The following ARFGEF3 variants were observed in gnomAD, a reference collection of about 807,000 sequenced individuals.
The protein encoded by ARFGEF3 is ARFGEF family member 3, also known as brefeldin A-inhibited guanine nucleotide-exchange protein 3.
Under a neutral mutation model 221.7 loss-of-function variants are expected in ARFGEF3, and 96 were observed. The ratio of observed to expected loss-of-function variants is 0.43; its 90% CI spans 0.37 to 0.51. The LOEUF is 0.51. Ranked by LOEUF, ARFGEF3 falls within the 20% of genes least tolerant of loss-of-function variation. The pLI is 0.00. For synonymous variants in ARFGEF3, 1,145 were observed against 1,126.8 expected (o/e 1.02, Z -0.32); for missense variants, 2,410 against 2,789.9 (o/e 0.86, Z 3.07).
At chr6:138,197,553 CAT>C (rs1240521766) in intron 2 of ARFGEF3, among the ~76,000 whole-genome samples, 5 of 152,290 alleles carry the variant, frequency 3.3e-5, no homozygotes, top group East Asian at 1.9e-4. Context: ...TCACCACAAA[CAT>C]GTGAGTATAG....
chr6:138,250,251 C>T (rs1250187481), intron 8 of ARFGEF3, among the ~76,000 whole-genome samples: 1 of 152,144 alleles, frequency 6.6e-6, no homozygotes, highest in Admixed American at 6.6e-5. Context: ...CAGAACACTC[C>T]CTCGCATGCC....
chr6:138,321,257 G>C (rs1780021987), intron 29 of ARFGEF3, 32 bp downstream of exon 29: 1 of 1,173,926 alleles, frequency 8.5e-7, no homozygotes, highest in African/African-American at 1.6e-5. Flanking sequence ...TCTCCACAAA[G>C]CTGGAGTTTT....
chr6:138,314,087 C>A, intron 26 of ARFGEF3, 148 bp downstream of exon 26: 2 of 884,868 alleles, frequency 2.3e-6, no homozygotes, highest in Non-Finnish European at 3.3e-6. Flanking sequence ...TGATAAATAG[C>A]AGATTTATTT....
At chr6:138,243,045 G>C (rs138930507) in intron 7 of ARFGEF3, 51 bp downstream of exon 7, 2 of 1,424,770 alleles carry the variant, frequency 1.4e-6, no homozygotes, top group East Asian at 4.6e-5. Context: ...GTGTGAGAAT[G>C]CCTACTGTGT....
chr6:138,323,723 G>T lies in ARFGEF3; in HGVS notation c.4819G>T (p.Ala1607Ser), dbSNP rs1780077631. ...PVFTEEMWRL[A>S]CCALQDAFSA... ...GTTCACTGAGGAGATGTGGAGGCTT[G>T]CCTGCTGTGCCCTGCAAGATGCGTT... The change falls in exon 30 of 34, where the codon GCC becomes TCC. Residue 1607 changes from alanine to serine, a missense_variant. Transcript: ENST00000251691. 6.2e-7 allele frequency: 1 copy of T among 1,614,018 alleles called. No homozygotes were observed. Among genetic ancestry groups the T allele is most frequent in the Non-Finnish European group, 8.5e-7 (1 of 1,179,894 alleles).
rs190017083 is a variant in ARFGEF3, at chr6:138,230,483, C to G, written c.420+631C>G. ...GCTTGGAATAATTTCCCTTCCATTT[C>G]TTGAAAAGAATATCTACAGGATTTG... is the stretch of plus-strand genomic sequence containing the variant. On this transcript the variant is annotated intron_variant, in intron 5 of 33. Transcript: ENST00000251691. Among the ~76,000 whole-genome samples the G allele has an allele frequency of 2.6e-3, 401 of 152,220 alleles. 2 individuals are homozygous for G. Among genetic ancestry groups the G allele is most frequent in the African/African-American group, 9.3e-3 (385 of 41,540 alleles).
At chr6:138,297,259 G>A (rs1779541157) in intron 21 of ARFGEF3, among the ~76,000 whole-genome samples, 1 of 152,174 alleles carries the variant, frequency 6.6e-6, no homozygotes, top group Non-Finnish European at 1.5e-5. Context: ...GAAAGACTGT[G>A]GATGGTTCCT....
At chr6:138,220,281 G>A (rs1777958732) in intron 4 of ARFGEF3, among the ~76,000 whole-genome samples, 1 of 152,158 alleles carries the variant, frequency 6.6e-6, no homozygotes, top group Admixed American at 6.5e-5. Context: ...AGGATTATAG[G>A]TGTGAGCCAC....
intron 4 of ARFGEF3, among the ~76,000 whole-genome samples, chr6:138,215,587 G>A (rs1387790714): frequency 6.6e-6 from 1 of 152,102 alleles, no homozygotes; most frequent in East Asian, 1.9e-4. Flanking sequence ...CTCTTAAGTG[G>A]TGGGTTACCT....
At chr6:138,295,009 T>C (rs760449565) in intron 20 of ARFGEF3, among the ~76,000 whole-genome samples, 12 of 152,188 alleles carry the variant, frequency 7.9e-5, no homozygotes, top group Non-Finnish European at 1.5e-4. Flanking sequence ...TTAATAGACT[T>C]TAAAACCTGA....
At chr6:138,233,513 A>C (rs948561182) in intron 5 of ARFGEF3, among the ~76,000 whole-genome samples, 3 of 152,038 alleles carry the variant, frequency 2.0e-5, no homozygotes, top group African/African-American at 7.2e-5. Context: ...AGTAGCTGGG[A>C]TTACAGGCGC....
intron 12 of ARFGEF3, among the ~76,000 whole-genome samples, chr6:138,267,556 C>T (rs1210054298): frequency 6.6e-6 from 1 of 152,222 alleles, no homozygotes. Context: ...TGAATTGTCA[C>T]AGTGGTGAGG....
chr6:138,330,547 G>A (rs1780210021), intron 32 of ARFGEF3, among the ~76,000 whole-genome samples: 1 of 152,172 alleles, frequency 6.6e-6, no homozygotes, highest in Non-Finnish European at 1.5e-5. Flanking sequence ...GCTCATGCCT[G>A]TAATCCCAGC....
At chr6:138,174,679 C>T (rs138469176) in intron 2 of ARFGEF3, among the ~76,000 whole-genome samples, 189 of 152,092 alleles carry the variant, frequency 1.2e-3, no homozygotes, top group African/African-American at 4.4e-3. Context: ...ACATAATCAC[C>T]TCCAGGTGAT....
In ARFGEF3 at chr6:138,225,977, T is replaced by G. The variant is rs571931396; in HGVS notation, c.352-3807T>G. On this transcript the variant is annotated intron_variant, in intron 4 of 33. Coordinates refer to ENST00000251691, the MANE Select transcript of ARFGEF3 (RefSeq NM_020340.5). Reference sequence around the variant, plus strand: ...ATCCTTGGGAGGTGGGATGGGAATTTTAAAGGTAAAGGGCTAGAGGACATA... The same window carrying G: ...ATCCTTGGGAGGTGGGATGGGAATTGTAAAGGTAAAGGGCTAGAGGACATA... Among the ~76,000 whole-genome samples the G allele has an allele frequency of 1.5e-4, 23 of 152,254 alleles. 1 individual carries two copies. In the East Asian group the frequency reaches 3.7e-3, roughly 24 times the overall value.
intron 29 of ARFGEF3, among the ~76,000 whole-genome samples, chr6:138,321,976 C>G (rs1206978843): frequency 6.6e-6 from 1 of 152,156 alleles, no homozygotes; most frequent in Non-Finnish European, 1.5e-5. Context: ...TGGATGGTGG[C>G]AGGCAAAGAG....
chr6:138,233,528 C>T (rs1778230237), intron 5 of ARFGEF3, among the ~76,000 whole-genome samples: 1 of 152,050 alleles, frequency 6.6e-6, no homozygotes, highest in African/African-American at 2.4e-5. Flanking sequence ...AGGCGCATGC[C>T]ACCACACCTG....
intron 10 of ARFGEF3, among the ~76,000 whole-genome samples, 173 bp from the exon 11 acceptor site, chr6:138,261,354 G>A (rs577088554): frequency 6.6e-6 from 1 of 152,302 alleles, no homozygotes; most frequent in South Asian, 2.1e-4. Flanking sequence ...CATATGTCAA[G>A]AAGAAAACCT....
intron 2 of ARFGEF3, among the ~76,000 whole-genome samples, chr6:138,205,421 C>T (rs1019142357): frequency 1.3e-5 from 2 of 152,172 alleles, no homozygotes; most frequent in African/African-American, 4.8e-5. Flanking sequence ...CAGGGGTTTA[C>T]AGATGAAGTT....
Sources: allele counts gnomAD v4.1 joint callset (sites outside exome capture counted in the v4.1 genomes callset), GRCh38; gene constraint gnomAD v4.1.1; transcripts MANE v1.5; gene names NCBI Gene and HGNC (gene_info 2026-07-23, HGNC 2026-07-21).